PPP1R1C: variants seen among roughly 807,000 people sequenced by gnomAD.
PPP1R1C encodes the protein protein phosphatase 1 regulatory subunit 1C.
A neutral mutation model predicts 17.4 loss-of-function variants in PPP1R1C; 15 were observed. That is an observed-to-expected ratio of 0.86 (90% CI 0.58 to 1.33). The LOEUF (loss-of-function observed/expected upper bound fraction) is 1.33. Among genes scored for constraint, PPP1R1C ranks in the 40% most tolerant of loss-of-function variants. The pLI is 0.00. For missense variants in PPP1R1C, 143 were observed against 130.0 expected (o/e 1.10, Z -0.48); for synonymous variants, 35 against 43.1 (o/e 0.81, Z 0.73).
At chr2:181,960,879 G>A (rs2125130458) in intron 1 of PPP1R1C, among the ~76,000 whole-genome samples, 2 of 152,252 alleles carry the variant, frequency 1.3e-5, no homozygotes, top group South Asian at 4.1e-4. Flanking sequence ...CCCCTTCTGT[G>A]CCCGTATGAA....
chr2:182,046,786 G>A lies in PPP1R1C; in HGVS notation c.143-14656G>A, dbSNP rs534904004. The stretch of plus-strand genomic sequence containing the variant: ...AATACGTTGATAATAATTTTAAGTT[G>A]GACAATCATGGCAAGTAATTAAATG... On this transcript the variant is annotated intron_variant, in intron 2 of 4. Coordinates refer to ENST00000682840, the MANE Select transcript of PPP1R1C (RefSeq NM_001080545.3). 2.6e-5 allele frequency among the ~76,000 whole-genome samples: 4 copies of A among 151,292 alleles called. 1 individual carries two copies. The highest frequency in any genetic ancestry group is 9.7e-5 in the African/African-American group (4 of 41,314).
In PPP1R1C at chr2:181,960,238, G is replaced by A. The variant is rs559993975; in HGVS notation, n.111+5604G>A. On this transcript the variant is annotated intron_variant and non_coding_transcript_variant, in intron 1 of 5. Transcript: ENST00000464264. ...AATTATAGTGGAGAACTGTCTAGAG[G>A]GAAAGAAGATCTGCTTATAAATTAC... Among the ~76,000 whole-genome samples the A allele has an allele frequency of 7.2e-5, 11 of 152,170 alleles. No individual in the cohort carries two copies. The East Asian group carries it at 1.4e-3, about 19-fold the overall frequency.
intron 2 of PPP1R1C, among the ~76,000 whole-genome samples, chr2:181,980,254 A>AATC (rs1212536381): frequency 6.6e-6 from 1 of 152,232 alleles, no homozygotes; most frequent in African/African-American, 2.4e-5. Flanking sequence ...TTCATTTAAT[A>AATC]ATCATCTCTC....
chr2:182,118,937 G>A (rs1192284456), downstream of PPP1R1C, among the ~76,000 whole-genome samples: 2 of 150,612 alleles, frequency 1.3e-5, no homozygotes, highest in Non-Finnish European at 3.0e-5. Context: ...AAGCTTTAGG[G>A]TACATGTGCA....
chr2:182,085,047 C>T (rs914834490), intron 4 of PPP1R1C, among the ~76,000 whole-genome samples: 5 of 151,770 alleles, frequency 3.3e-5, no homozygotes, highest in African/African-American at 7.3e-5. Flanking sequence ...TGATTTAATT[C>T]TCAGCTTGGT....
At chr2:182,040,570 C>T (rs986333435) in intron 2 of PPP1R1C, among the ~76,000 whole-genome samples, 5 of 152,050 alleles carry the variant, frequency 3.3e-5, no homozygotes, top group Non-Finnish European at 7.4e-5. Flanking sequence ...TTGTTGGATG[C>T]ATAGTTTGCA....
chr2:182,078,655 C>T (rs771958599), intron 4 of PPP1R1C, among the ~76,000 whole-genome samples: 2 of 152,170 alleles, frequency 1.3e-5, no homozygotes, highest in African/African-American at 2.4e-5. Flanking sequence ...GTAGGAGAAA[C>T]GTGGGCTTGA....
chr2:182,057,366 A>T (rs1284119760), intron 2 of PPP1R1C, among the ~76,000 whole-genome samples: 1 of 152,166 alleles, frequency 6.6e-6, no homozygotes, highest in East Asian at 1.9e-4. Context: ...GAGAGACATG[A>T]ATTGGGAAAG....
At chr2:182,099,270 T>C (rs1188814357) in intron 4 of PPP1R1C, among the ~76,000 whole-genome samples, 2 of 152,116 alleles carry the variant, frequency 1.3e-5, no homozygotes, top group African/African-American at 2.4e-5. Context: ...CCTTAAAAAA[T>C]TGAAAAGTGC....
At chr2:182,120,128 T>C (rs566204295), downstream of PPP1R1C, among the ~76,000 whole-genome samples, 1 of 152,318 alleles carries the variant, frequency 6.6e-6, no homozygotes, top group South Asian at 2.1e-4. Context: ...TACATATGGC[T>C]AGCCAGTTTT....
intron 2 of PPP1R1C, among the ~76,000 whole-genome samples, chr2:182,010,578 T>A (rs914370907): frequency 6.6e-6 from 1 of 152,100 alleles, no homozygotes; most frequent in Non-Finnish European, 1.5e-5. Flanking sequence ...ACAAGGATAA[T>A]TTAGCTGCTT....
At chr2:181,987,731 T>G (rs1025311615) in intron 1 of PPP1R1C, 108 bp from the exon 2 acceptor site, 1 of 1,114,684 alleles carries the variant, frequency 9.0e-7, no homozygotes, top group Non-Finnish European at 1.3e-6. Flanking sequence ...AGAAATTTGC[T>G]TTTGCATGTG....
chr2:182,023,543 A>G (rs1354706067), intron 2 of PPP1R1C, among the ~76,000 whole-genome samples: 2 of 152,222 alleles, frequency 1.3e-5, no homozygotes, highest in Non-Finnish European at 2.9e-5. Context: ...ATTTTAAACT[A>G]TAATACTGGA....
At chr2:181,955,548 C>G (rs1437070899) in intron 1 of PPP1R1C, among the ~76,000 whole-genome samples, 1 of 152,176 alleles carries the variant, frequency 6.6e-6, no homozygotes, top group African/African-American at 2.4e-5. Flanking sequence ...GTGAGGCTTT[C>G]TATTTTAGAG....
chr2:181,969,443 T>A (rs986377217), intron 1 of PPP1R1C, among the ~76,000 whole-genome samples: 10 of 152,198 alleles, frequency 6.6e-5, no homozygotes, highest in Admixed American at 2.0e-4. Flanking sequence ...TATATGCCTG[T>A]ATGATTTCCA....
intron 4 of PPP1R1C, among the ~76,000 whole-genome samples, chr2:182,067,602 G>A (rs768357599): frequency 1.3e-4 from 20 of 152,098 alleles, no homozygotes; most frequent in East Asian, 3.9e-4. Flanking sequence ...AAGCCATCAC[G>A]GTTCCACCCT....
At chr2:182,052,859 T>C (rs1687567733) in intron 2 of PPP1R1C, among the ~76,000 whole-genome samples, 1 of 152,252 alleles carries the variant, frequency 6.6e-6, no homozygotes, top group South Asian at 2.1e-4. Flanking sequence ...TAAAATAGAC[T>C]GACTTCCTGT....
chr2:181,998,137 G>T (rs1685666246), intron 2 of PPP1R1C, among the ~76,000 whole-genome samples: 1 of 152,166 alleles, frequency 6.6e-6, no homozygotes, highest in Non-Finnish European at 1.5e-5. Flanking sequence ...CAGTGAACAT[G>T]GGTTTCATTC....
chr2:181,987,735 G>T, intron 1 of PPP1R1C, 104 bp from the exon 2 acceptor site: 1 of 1,161,416 alleles, frequency 8.6e-7, no homozygotes, highest in Non-Finnish European at 1.2e-6. Flanking sequence ...ATTTGCTTTT[G>T]CATGTGGGGA....
Sources: allele counts gnomAD v4.1 joint callset (sites outside exome capture counted in the v4.1 genomes callset), GRCh38; gene constraint gnomAD v4.1.1; transcripts MANE v1.5; gene names NCBI Gene and HGNC (gene_info 2026-07-23, HGNC 2026-07-21).